The following NOL4 variants were observed in gnomAD, a reference collection of about 807,000 sequenced individuals.
The protein encoded by NOL4 is cancer/testis antigen 125.
In NOL4, 17 loss-of-function variants were observed where a neutral mutation model predicts 75.9. The ratio of observed to expected loss-of-function variants is 0.22; its 90% CI spans 0.15 to 0.34. The LOEUF (loss-of-function observed/expected upper bound fraction) is 0.34, where lower values mean the gene tolerates loss of function less well. Among genes scored for constraint, NOL4 ranks in the 10% least tolerant of loss-of-function variants. The pLI is 1.00. For synonymous variants in NOL4, 292 were observed against 289.9 expected, an observed-to-expected ratio of 1.01 and a Z score of -0.07; for missense variants, 614 against 793.5, an observed-to-expected ratio of 0.77 and a Z score of 2.72.
At chr18:34,115,808 C>T (rs1018107231) in intron 2 of NOL4, among the ~76,000 whole-genome samples, 5 of 152,124 alleles carry the variant, frequency 3.3e-5, no homozygotes, top group South Asian at 2.1e-4. Context: ...GGTGTGTCCA[C>T]GTTCTTGATT....
At chr18:34,101,645 C>T (rs1400787821) in intron 4 of NOL4, among the ~76,000 whole-genome samples, 4 of 152,008 alleles carry the variant, frequency 2.6e-5, no homozygotes, top group African/African-American at 9.7e-5. Context: ...TTTTGTGGAG[C>T]GCAAACTCCA....
intron 1 of NOL4, among the ~76,000 whole-genome samples, chr18:34,136,446 T>C (rs1321259373): frequency 6.6e-6 from 1 of 152,112 alleles, no homozygotes; most frequent in African/African-American, 2.4e-5. Flanking sequence ...ATCTCATATA[T>C]AGAAAATTCT....
chr18:34,129,331 C>T (rs1219012822), intron 2 of NOL4, among the ~76,000 whole-genome samples: 1 of 151,740 alleles, frequency 6.6e-6, no homozygotes, highest in Non-Finnish European at 1.5e-5. Context: ...TAACACATAT[C>T]TTTTAATATT....
chr18:33,897,825 T>TA (rs565767002), intron 9 of NOL4, among the ~76,000 whole-genome samples: 3,502 of 152,048 alleles, frequency 0.023, 111 homozygotes, highest in African/African-American at 0.077. Context: ...TTTCTTTCAT[T>TA]AAAAAAAACT....
chr18:33,868,574 A>G (rs2063541757), intron 10 of NOL4, among the ~76,000 whole-genome samples: 1 of 151,970 alleles, frequency 6.6e-6, no homozygotes, highest in Non-Finnish European at 1.5e-5. Flanking sequence ...TGTTACAACA[A>G]TACAAGATTT....
chr18:34,194,426 G>GGGAGGGAA (rs1555754886), intron 1 of NOL4, among the ~76,000 whole-genome samples: 35 of 128,086 alleles, frequency 2.7e-4, no homozygotes, highest in Admixed American at 6.7e-4. Context: ...GAGGGAGGGA[G>GGGAGGGAA]GGAAGGAAGG....
At chr18:34,026,683 G>T (rs1244957684) in intron 5 of NOL4, among the ~76,000 whole-genome samples, 1 of 151,882 alleles carries the variant, frequency 6.6e-6, no homozygotes, top group Non-Finnish European at 1.5e-5. Flanking sequence ...TATTATAAAC[G>T]ATATTTTGTA....
chr18:34,058,914 T>C (rs896810657), intron 5 of NOL4, among the ~76,000 whole-genome samples: 1 of 151,998 alleles, frequency 6.6e-6, no homozygotes, highest in African/African-American at 2.4e-5. Flanking sequence ...GTCTTTTCTG[T>C]TGACCTAGAA....
rs757460119 is a variant in NOL4 at position 33,958,282 on chromosome 18, T to C, written c.1193A>G (p.Asn398Ser). The change falls in exon 7 of 11, where the codon AAT (asparagine) becomes AGT (serine). Residue 398 changes from asparagine to serine, a missense_variant. Around this residue, in one of 9 missense-constraint regions of NOL4, gnomAD observed 196 missense variants for 167.9 expected, o/e 1.17. Transcript: ENST00000261592. ...HEDHDDSEKV[N>S]ETDGVEAERL... ...CTCGGCTTCAACGCCGTCTGTCTCA[T>C]TAACTTTCTCCGAATCGTCATGGTC... The C allele has an allele frequency of 1.2e-6, 2 of 1,613,830 alleles. No individual in the cohort carries two copies. Among genetic ancestry groups the C allele is most frequent in the South Asian group, 2.2e-5 (2 of 91,060 alleles).
chr18:34,181,399 T>C (rs891650508), intron 1 of NOL4, among the ~76,000 whole-genome samples: 1 of 151,514 alleles, frequency 6.6e-6, no homozygotes, highest in Admixed American at 6.6e-5. Context: ...ACCTATGTCA[T>C]ATCATATCCA....
intron 5 of NOL4, among the ~76,000 whole-genome samples, chr18:34,023,095 A>G (rs1436782371): frequency 1.3e-5 from 2 of 152,212 alleles, no homozygotes; most frequent in African/African-American, 4.8e-5. Context: ...AAAAACAAAT[A>G]CATGATTTAC....
intron 10 of NOL4, among the ~76,000 whole-genome samples, chr18:33,877,926 G>A (rs1360347382): frequency 6.6e-6 from 1 of 151,828 alleles, no homozygotes; most frequent in East Asian, 1.9e-4. Flanking sequence ...TCTAGACTTG[G>A]AGTTCTGGAT....
intron 1 of NOL4, among the ~76,000 whole-genome samples, chr18:34,142,692 G>A (rs1050676795): frequency 1.3e-5 from 2 of 152,130 alleles, no homozygotes; most frequent in Non-Finnish European, 2.9e-5. Flanking sequence ...GGGGTGGGGG[G>A]AGGATGGAGG....
intron 1 of NOL4, among the ~76,000 whole-genome samples, chr18:34,132,737 A>C (rs999230548): frequency 1.3e-5 from 1 of 77,446 alleles, no homozygotes; most frequent in African/African-American, 4.1e-5. Context: ...TCAAAAACGC[A>C]AAAAAAAAAA....
intron 9 of NOL4, among the ~76,000 whole-genome samples, chr18:33,901,817 A>G (rs2065763527): frequency 6.6e-6 from 1 of 152,104 alleles, no homozygotes; most frequent in Admixed American, 6.6e-5. Flanking sequence ...AAGCTGTGTT[A>G]CTATTGAGAA....
intron 6 of NOL4, among the ~76,000 whole-genome samples, chr18:33,992,608 T>C (rs1043180171): frequency 6.6e-6 from 1 of 152,002 alleles, no homozygotes; most frequent in African/African-American, 2.4e-5. Flanking sequence ...TACACTGATG[T>C]AGCAAAAATT....
At chr18:34,209,309 G>A (rs1321141170) in intron 1 of NOL4, among the ~76,000 whole-genome samples, 1 of 151,866 alleles carries the variant, frequency 6.6e-6, no homozygotes, top group East Asian at 1.9e-4. Flanking sequence ...TAGCAACATT[G>A]AGAAATGTTG....
chr18:34,116,243 T>A (rs2079851003), intron 2 of NOL4, among the ~76,000 whole-genome samples: 1 of 152,096 alleles, frequency 6.6e-6, no homozygotes, highest in Non-Finnish European at 1.5e-5. Context: ...GAAAGCTCAA[T>A]GATCAAGTTC....
At chr18:34,118,770 T>G (rs1272400363) in intron 2 of NOL4, among the ~76,000 whole-genome samples, 1 of 152,212 alleles carries the variant, frequency 6.6e-6, no homozygotes, top group African/African-American at 2.4e-5. Context: ...ACAATAATTT[T>G]CTTTTCTATT....
Sources: allele counts gnomAD v4.1 joint callset (sites outside exome capture counted in the v4.1 genomes callset), GRCh38; gene constraint gnomAD v4.1.1; regional missense constraint gnomAD v4.1.1; transcripts MANE v1.5; gene names NCBI Gene and HGNC (gene_info 2026-07-23, HGNC 2026-07-21).